The following GNAZ variants were observed in gnomAD, a reference collection of about 807,000 sequenced individuals.
GNAZ encodes G protein subunit alpha z, also known as guanine nucleotide-binding protein G(z) subunit alpha.
GNAZ carries 3 observed loss-of-function variants against 25.4 expected under a neutral mutation model. The ratio of observed to expected loss-of-function variants is 0.12; its 90% confidence interval spans 0.05 to 0.30. The LOEUF (loss-of-function observed/expected upper bound fraction) is 0.30. GNAZ is among the 10% of genes least tolerant of loss of function. The pLI is 1.00. For missense variants in GNAZ, 241 were observed against 501.8 expected (o/e 0.48, Z 4.97); for synonymous variants, 211 against 205.7 (o/e 1.03, Z -0.22).
rs998079464 is a variant in GNAZ, at chr22:23,071,420, T to A, written c.-450+850T>A. On this transcript the variant is annotated intron_variant, in intron 1 of 2. Transcript: ENST00000615612. The surrounding 1 kb of genome is among the most constrained non-coding windows in gnomAD (Gnocchi z 4.1). ...GCGTTCCGCGTAGTCCGTGTTGGGG[T>A]GGAGGGACCCGCCTGGTAGAGAGGT... is the stretch of plus-strand genomic sequence containing the variant. Among the ~76,000 whole-genome samples the A allele has an allele frequency of 1.3e-5, 2 of 152,074 alleles. No homozygotes were observed. Among genetic ancestry groups the A allele is most frequent in the Non-Finnish European group, 2.9e-5 (2 of 67,986 alleles).
intron 1 of GNAZ, among the ~76,000 whole-genome samples, chr22:23,081,572 AG>A (rs58954281): frequency 0.042 from 6,420 of 152,254 alleles, 435 homozygotes; most frequent in African/African-American, 0.15. Flanking sequence ...CTGTAATCCC[AG>A]CACTTTGGGA....
At chr22:23,080,401 A>G (rs1036607548) in intron 1 of GNAZ, among the ~76,000 whole-genome samples, 3 of 130,814 alleles carry the variant, frequency 2.3e-5, no homozygotes, top group Non-Finnish European at 4.5e-5. Flanking sequence ...TTCCTTTAGC[A>G]GAAGGACACT....
At chr22:23,077,826 G>A (rs541467860) in intron 1 of GNAZ, among the ~76,000 whole-genome samples, 3 of 152,160 alleles carry the variant, frequency 2.0e-5, no homozygotes, top group Non-Finnish European at 4.4e-5. Context: ...CCTTCACCCT[G>A]ACCCCAGCAG....
chr22:23,106,211 G>A (rs1205442389), intron 2 of GNAZ, among the ~76,000 whole-genome samples: 2 of 152,242 alleles, frequency 1.3e-5, no homozygotes, highest in African/African-American at 2.4e-5. Context: ...GACCCTGCAA[G>A]TCAGTGATGG....
intron 2 of GNAZ, among the ~76,000 whole-genome samples, chr22:23,114,271 C>T (rs1467788945): frequency 1.3e-5 from 2 of 152,210 alleles, no homozygotes; most frequent in East Asian, 1.9e-4. Flanking sequence ...ATTCACGGTT[C>T]GGATGAACAC....
At position 23,115,237 on chromosome 22, in the gene GNAZ, A is replaced by G. The variant is rs80183543; in HGVS notation, c.724-7850A>G. On this transcript the variant is annotated intron_variant, in intron 2 of 2. Coordinates refer to ENST00000615612, the MANE Select transcript of GNAZ (RefSeq NM_002073.4). Reference sequence around the variant, plus strand: ...CATCACCCACCTATTCCCCAATACAACACAGTCCGGGGGCCCCTCACCTGG... The same window carrying G: ...CATCACCCACCTATTCCCCAATACAGCACAGTCCGGGGGCCCCTCACCTGG... Among the ~76,000 whole-genome samples the G allele has an allele frequency of 5.6e-3, 859 of 152,234 alleles. 4 individuals are homozygous for G. Among genetic ancestry groups the G allele is most frequent in the African/African-American group, 0.02 (829 of 41,528 alleles).
At position 23,104,582 on chromosome 22, in the gene GNAZ, A is replaced by G. The variant is rs138291066; in HGVS notation, c.723+8164A>G. ...TCTGGGTTTTAAGACACAGATTACT[A>G]TTGTTTTAAGGGATTTGTATAATCC... is the stretch of plus-strand genomic sequence containing the variant. On this transcript the variant is annotated intron_variant, in intron 2 of 2. Coordinates refer to ENST00000615612, the MANE Select transcript of GNAZ (RefSeq NM_002073.4). 2.9e-4 allele frequency among the ~76,000 whole-genome samples: 44 copies of G among 152,302 alleles called. No homozygotes were observed. In the East Asian group the frequency reaches 6.4e-3, roughly 22 times the overall value.
chr22:23,099,063 C>T (rs951094993), intron 2 of GNAZ, among the ~76,000 whole-genome samples: 1 of 152,246 alleles, frequency 6.6e-6, no homozygotes, highest in Admixed American at 6.5e-5. Flanking sequence ...CATAGCCCTC[C>T]TTCCGTGCTC....
At chr22:23,116,312 C>A (rs898609629) in intron 2 of GNAZ, among the ~76,000 whole-genome samples, 5 of 152,220 alleles carry the variant, frequency 3.3e-5, no homozygotes, top group African/African-American at 1.2e-4. Context: ...GAAAAAGACA[C>A]CTGGGTCATG....
At chr22:23,101,937 C>T (rs1452945458) in intron 2 of GNAZ, among the ~76,000 whole-genome samples, 1 of 152,228 alleles carries the variant, frequency 6.6e-6, no homozygotes, top group African/African-American at 2.4e-5. Flanking sequence ...ATCCCCAGCC[C>T]GCATCCCTCT....
chr22:23,080,654 G>A (rs1023079142), intron 1 of GNAZ, among the ~76,000 whole-genome samples: 28 of 152,346 alleles, frequency 1.8e-4, no homozygotes, highest in African/African-American at 6.3e-4. Flanking sequence ...CTGGGCCCTG[G>A]TTACTGTGGA....
chr22:23,098,931 G>A (rs752567593), intron 2 of GNAZ, among the ~76,000 whole-genome samples: 2 of 152,222 alleles, frequency 1.3e-5, no homozygotes, highest in South Asian at 2.1e-4. Context: ...CTTTTGGAAC[G>A]TGCTGAACTG....
At chr22:23,113,611 T>C (rs1286329426) in intron 2 of GNAZ, among the ~76,000 whole-genome samples, 1 of 152,216 alleles carries the variant, frequency 6.6e-6, no homozygotes, top group Non-Finnish European at 1.5e-5. Flanking sequence ...TCTGGTGCCT[T>C]CCCTGTTCCA....
intron 2 of GNAZ, chr22:23,122,467 G>A (rs1298102272): frequency 2.0e-5 from 3 of 153,110 alleles, no homozygotes; most frequent in African/African-American, 7.2e-5. Flanking sequence ...GGGCAGGGGA[G>A]GAGCCTGGCC....
At chr22:23,111,085 C>G (rs376230347) in intron 2 of GNAZ, among the ~76,000 whole-genome samples, 1 of 152,214 alleles carries the variant, frequency 6.6e-6, no homozygotes, top group Non-Finnish European at 1.5e-5. Flanking sequence ...GGGGCCTGCG[C>G]GCCTTCCCTG....
intron 1 of GNAZ, among the ~76,000 whole-genome samples, chr22:23,088,971 C>T (rs1415717267): frequency 2.6e-5 from 4 of 152,220 alleles, no homozygotes; most frequent in African/African-American, 9.6e-5. Flanking sequence ...AGTTCCGTCT[C>T]CTCAACAAGC....
At chr22:23,086,423 C>T (rs895881913) in intron 1 of GNAZ, among the ~76,000 whole-genome samples, 13 of 152,242 alleles carry the variant, frequency 8.5e-5, no homozygotes, top group African/African-American at 2.2e-4. Context: ...TGGCAGCAGA[C>T]GGGGTGGCAC....
chr22:23,103,799 C>G (rs2069375591), intron 2 of GNAZ, among the ~76,000 whole-genome samples: 1 of 152,194 alleles, frequency 6.6e-6, no homozygotes, highest in African/African-American at 2.4e-5. Flanking sequence ...CTATCCCTTC[C>G]TCCCTCAGGT....
Position 23,119,441 on chromosome 22 carries a change from G to T in GNAZ, c.724-3646G>T, listed in dbSNP as rs373096214. On this transcript the variant is annotated intron_variant, in intron 2 of 2. Transcript: ENST00000615612. ...GTTCTTCAGCCTCCCGCTCTGTCTT[G>T]TCCCCCATCTCTGAGAGCTGCAGGC... Among the ~76,000 whole-genome samples the T allele has an allele frequency of 3.1e-4, 47 of 152,246 alleles. No homozygotes were observed. The South Asian group carries it at 8.9e-3, about 29-fold the overall frequency.
Sources: gnomAD v4.1 joint callset for allele counts (sites outside exome capture counted in the v4.1 genomes callset) on GRCh38, gnomAD v4.1.1 for gene constraint, Gnocchi (gnomAD v3.1) non-coding constraint, MANE v1.5 for transcripts, NCBI Gene and HGNC (gene_info 2026-07-23, HGNC 2026-07-21) for gene names.